The following STON2 variants were observed in gnomAD, a reference collection of about 807,000 sequenced individuals.
STON2 encodes stonin-2.
Under a neutral mutation model 65.7 loss-of-function variants are expected in STON2, and 29 were observed. The observed-to-expected ratio is 0.44, with a 90% confidence interval of 0.33 to 0.60. The LOEUF is 0.60. STON2 is among the 20% of genes least tolerant of loss of function. STON2 has a pLI of 0.03. For missense variants in STON2, 1,054 were observed against 1,118.1 expected, an observed-to-expected ratio of 0.94 and a Z score of 0.82; for synonymous variants, 404 against 414.2, an observed-to-expected ratio of 0.98 and a Z score of 0.30.
intron 5 of STON2, among the ~76,000 whole-genome samples, chr14:81,287,803 C>T (rs1223748126): frequency 6.6e-6 from 1 of 152,206 alleles, no homozygotes; most frequent in African/African-American, 2.4e-5. Context: ...TGGATCCCTA[C>T]TTCTGGCCTC....
chr14:81,395,734 G>A, intron 3 of STON2, 160 bp downstream of exon 3: 1 of 704,712 alleles, frequency 1.4e-6, no homozygotes, highest in South Asian at 1.8e-5. Flanking sequence ...ACAAGTTACA[G>A]AATTAAACCA....
At chr14:81,367,353 T>C (rs1251003192) in intron 4 of STON2, among the ~76,000 whole-genome samples, 1 of 152,100 alleles carries the variant, frequency 6.6e-6, no homozygotes, top group Non-Finnish European at 1.5e-5. Context: ...ATTTTTGTAT[T>C]TTTAGTAGAG....
chr14:81,411,663 C>T (rs1225676209), intron 2 of STON2, among the ~76,000 whole-genome samples: 2 of 152,346 alleles, frequency 1.3e-5, no homozygotes, highest in East Asian at 1.9e-4. Flanking sequence ...GCCAAGATCA[C>T]GCTATTGCAC....
Position 81,358,127 on chromosome 14 carries a change from C to T in STON2, c.571+12861G>A, listed in dbSNP as rs1898331651. ...CCATATTCAGAATACTCTAAATGTA[C>T]TATAATGATGATGTGTAAGGCAATT... On this transcript the variant is annotated intron_variant, in intron 4 of 7. Coordinates refer to ENST00000614646, the MANE Select transcript of STON2 (RefSeq NM_001394390.1). 2.0e-5 allele frequency among the ~76,000 whole-genome samples: 3 copies of T among 152,140 alleles called. No homozygotes were observed. In the South Asian group the frequency reaches 6.2e-4, roughly 32 times the overall value.
At position 81,276,911 on chromosome 14, in the gene STON2, G is replaced by T; in HGVS notation, c.2571C>A (p.Asp857Glu). The T allele has an allele frequency of 6.2e-7, 1 of 1,606,376 alleles. No individual in the cohort carries two copies. Among genetic ancestry groups the T allele is most frequent in the Non-Finnish European group, 8.5e-7 (1 of 1,174,542 alleles). ...SIVWRINRLP[D>E]KNSASGHPHC... ...GGAACCACCACCCACCTGAGTTTTT[G>T]TCCGGCAGTCGGTTTATCCTCCACA... The change falls in exon 6 of 8, where the codon GAC becomes GAA. Residue 857 changes from aspartate (D) to glutamate (E), a missense_variant. By Grantham distance (45) the Asp-to-Glu change is conservative. Coordinates refer to ENST00000614646, the MANE Select transcript of STON2 (RefSeq NM_001394390.1).
chr14:81,281,155 T>C (rs1895102253), intron 5 of STON2, among the ~76,000 whole-genome samples: 1 of 152,170 alleles, frequency 6.6e-6, no homozygotes, highest in Non-Finnish European at 1.5e-5. Flanking sequence ...TAAAAAGGAT[T>C]CTAAAGCATT....
chr14:81,411,811 G>A (rs903769379), intron 2 of STON2, among the ~76,000 whole-genome samples: 9 of 152,120 alleles, frequency 5.9e-5, no homozygotes, highest in Non-Finnish European at 1.0e-4. Context: ...GGAAAAGGAA[G>A]TATGAAACAA....
chr14:81,428,460 C>T (rs969941843), intron 1 of STON2, among the ~76,000 whole-genome samples: 2 of 152,226 alleles, frequency 1.3e-5, no homozygotes, highest in Admixed American at 6.5e-5. Context: ...TGGTGGCTCA[C>T]GCCTGTAATC....
chr14:81,408,552 TGA>T (rs1417316811), intron 2 of STON2, among the ~76,000 whole-genome samples: 3 of 152,366 alleles, frequency 2.0e-5, no homozygotes, highest in African/African-American at 7.2e-5. Flanking sequence ...CTTGTGTGTA[TGA>T]GTGTGTGTAT....
rs553322084 is a variant in STON2 at position 81,288,081 on chromosome 14, C to A, written c.743-9342G>T. On this transcript the variant is annotated intron_variant, in intron 5 of 7. Transcript: ENST00000614646. Reference sequence around the variant, plus strand: ...TCTGCTTTATAAATTAGTTCCTTAACATTTTATATAACAAGGTATCTTGAA... The same window carrying A: ...TCTGCTTTATAAATTAGTTCCTTAAAATTTTATATAACAAGGTATCTTGAA... Among the ~76,000 whole-genome samples, 11 of 152,306 alleles carry A rather than the reference C, an allele frequency of 7.2e-5. No individual in the cohort carries two copies. The South Asian group carries it at 2.3e-3, about 32-fold the overall frequency.
chr14:81,333,048 T>G, intron 4 of STON2: 1 of 654,324 alleles, frequency 1.5e-6, no homozygotes, highest in Non-Finnish European at 2.7e-6. Context: ...GTTGCTTTCT[T>G]GAGTTCTTTT....
chr14:81,303,548 C>T (rs1469101519), intron 5 of STON2, among the ~76,000 whole-genome samples: 1 of 152,196 alleles, frequency 6.6e-6, no homozygotes, highest in Non-Finnish European at 1.5e-5. Context: ...TCAATAATGA[C>T]ATGAGGTCAT....
chr14:81,407,155 T>C (rs1357406857), intron 2 of STON2, among the ~76,000 whole-genome samples: 1 of 152,138 alleles, frequency 6.6e-6, no homozygotes, highest in Non-Finnish European at 1.5e-5. Context: ...TGTTTTGTGG[T>C]TGTTCGCTGC....
chr14:81,356,459 C>CCT lies in STON2; in HGVS notation c.571+14528_571+14529insAG, dbSNP rs1595389068. ...ATCAATGTTCATCAAGGATATTGGT[C>CCT]TAAAATTCTCTTTTTTTGTTGTGTC... On this transcript the variant is annotated intron_variant, in intron 4 of 7. Coordinates refer to ENST00000614646, the MANE Select transcript of STON2 (RefSeq NM_001394390.1). 1.2e-4 allele frequency among the ~76,000 whole-genome samples: 19 copies of CCT among 152,140 alleles called. No individual in the cohort carries two copies. In the East Asian group the frequency reaches 3.7e-3, roughly 29 times the overall value.
chr14:81,294,395 T>C (rs1456345012), intron 5 of STON2, among the ~76,000 whole-genome samples: 5 of 152,158 alleles, frequency 3.3e-5, no homozygotes, highest in African/African-American at 7.2e-5. Flanking sequence ...TTAACCGCAT[T>C]GTCAAGTGGT....
chr14:81,277,660 C>G lies in STON2; in HGVS notation c.1822G>C (p.Asp608His). 4 of 1,614,154 alleles carry G rather than the reference C, an allele frequency of 2.5e-6. No homozygotes were observed. Among genetic ancestry groups the G allele is most frequent in the Non-Finnish European group, 3.4e-6 (4 of 1,180,034 alleles). The change falls in exon 6 of 8, where the codon GAT (aspartate) becomes CAT (histidine). Residue 608 changes from aspartate (D) to histidine (H), a missense_variant. Physicochemically the swap from Asp to His is moderately conservative, Grantham distance 81. Coordinates refer to ENST00000614646, the MANE Select transcript of STON2 (RefSeq NM_001394390.1). ...FIHAVQDRLMDLPVLSMDLST... is the reference protein window; with the variant it reads ...FIHAVQDRLMHLPVLSMDLST... ...AAGTCCATTGACAACACTGGCAGAT[C>G]CATGAGACGGTCCTGAACTGCATGG...
intron 5 of STON2, among the ~76,000 whole-genome samples, chr14:81,307,491 G>A (rs1225352597): frequency 6.6e-6 from 1 of 152,180 alleles, no homozygotes; most frequent in Non-Finnish European, 1.5e-5. Context: ...GAGAAATCTG[G>A]AATCCAAATG....
chr14:81,387,363 T>C (rs1483705934), intron 3 of STON2, among the ~76,000 whole-genome samples: 1 of 152,194 alleles, frequency 6.6e-6, no homozygotes, highest in Non-Finnish European at 1.5e-5. Flanking sequence ...TTAAAGGTTC[T>C]AATAAAAATC....
At chr14:81,409,728 T>C (rs1457998484) in intron 2 of STON2, among the ~76,000 whole-genome samples, 1 of 152,036 alleles carries the variant, frequency 6.6e-6, no homozygotes, top group African/African-American at 2.4e-5. Context: ...ACTCTATAAA[T>C]TCTGCACTCT....
Sources: allele counts gnomAD v4.1 joint callset (sites outside exome capture counted in the v4.1 genomes callset), GRCh38; gene constraint gnomAD v4.1.1; transcripts MANE v1.5; gene names NCBI Gene and HGNC (gene_info 2026-07-23, HGNC 2026-07-21).